The following CNBD1 variants were observed in gnomAD, a reference collection of about 807,000 sequenced individuals.
CNBD1 encodes cyclic nucleotide-binding domain-containing protein 1.
In CNBD1, 71 loss-of-function variants were observed where a neutral mutation model predicts 54.4. That is an observed-to-expected ratio of 1.30 (90% CI 1.08 to 1.59). The LOEUF (loss-of-function observed/expected upper bound fraction) is 1.59. Among genes scored for constraint, CNBD1 ranks in the 40% most tolerant of loss-of-function variants. CNBD1 has a pLI of 0.00. For missense variants in CNBD1, 659 were observed against 518.0 expected (o/e 1.27, Z -2.64); for synonymous variants, 182 against 170.7 (o/e 1.07, Z -0.51).
chr8:87,308,878 A>G (rs1369092299), intron 8 of CNBD1, among the ~76,000 whole-genome samples: 1 of 152,104 alleles, frequency 6.6e-6, no homozygotes. Context: ...CATTTAATAT[A>G]CCGACCTCTA....
intron 10 of CNBD1, among the ~76,000 whole-genome samples, chr8:87,380,755 A>T (rs868712273): frequency 6.6e-6 from 1 of 151,942 alleles, no homozygotes; most frequent in Non-Finnish European, 1.5e-5. Flanking sequence ...TATTCTAAGT[A>T]TTTTATTGTT....
intron 4 of CNBD1, among the ~76,000 whole-genome samples, chr8:87,056,467 T>C (rs1234985719): frequency 6.6e-6 from 1 of 152,192 alleles, no homozygotes; most frequent in Admixed American, 6.5e-5. Context: ...TTCATTAGTT[T>C]ACTAAAGCTG....
At position 87,367,627 on chromosome 8, in the gene CNBD1, C is replaced by G. The variant is rs115935353; in HGVS notation, c.1303+13841C>G. On this transcript the variant is annotated intron_variant, in intron 10 of 10. Coordinates refer to ENST00000518476, the MANE Select transcript of CNBD1 (RefSeq NM_173538.3). ...ATTACCTTGAAGTATTCACTGTGTT[C>G]CACACATTATTCTACATACTTTATA... Among the ~76,000 whole-genome samples the G allele has an allele frequency of 7.2e-3, 1,095 of 152,232 alleles. 12 individuals carry two copies. The highest frequency in any genetic ancestry group is 0.025 in the African/African-American group (1,033 of 41,558).
intron 4 of CNBD1, among the ~76,000 whole-genome samples, chr8:86,947,790 T>C: frequency 6.6e-6 from 1 of 152,130 alleles, no homozygotes; most frequent in Non-Finnish European, 1.5e-5. Context: ...CTTTTAGTTA[T>C]TTTAAAATTA....
At chr8:87,307,737 C>CAAA (rs5893017) in intron 8 of CNBD1, among the ~76,000 whole-genome samples, 33,410 of 134,590 alleles carry the variant, frequency 0.25, 4,720 homozygotes, top group Non-Finnish European at 0.32. Flanking sequence ...AACTCCGTCT[C>CAAA]AAAAAAAAAA....
intron 4 of CNBD1, among the ~76,000 whole-genome samples, chr8:87,053,029 TG>T (rs1364033593): frequency 1.2e-5 from 1 of 84,236 alleles, no homozygotes; most frequent in African/African-American, 4.6e-5. Flanking sequence ...AGATAAGGGG[TG>T]GGGGGTTTGA....
chr8:87,041,068 T>A (rs1810057337), intron 4 of CNBD1, among the ~76,000 whole-genome samples: 1 of 152,068 alleles, frequency 6.6e-6, no homozygotes. Context: ...TTAAAAGTAA[T>A]AGCAAAAACT....
At chr8:87,089,280 CAT>C (rs1811160363) in intron 4 of CNBD1, among the ~76,000 whole-genome samples, 1 of 151,990 alleles carries the variant, frequency 6.6e-6, no homozygotes, top group Non-Finnish European at 1.5e-5. Context: ...CTTGAGAGCT[CAT>C]AGTCATATAA....
intron 6 of CNBD1, among the ~76,000 whole-genome samples, chr8:87,268,083 T>G (rs1808297146): frequency 6.6e-6 from 1 of 152,182 alleles, no homozygotes; most frequent in Non-Finnish European, 1.5e-5. Flanking sequence ...ACACAACAGG[T>G]AGCCTTCCAA....
At chr8:87,263,084 C>T (rs1050059212) in intron 6 of CNBD1, among the ~76,000 whole-genome samples, 2 of 152,006 alleles carry the variant, frequency 1.3e-5, no homozygotes, top group African/African-American at 4.8e-5. Context: ...ATATGTGTTC[C>T]TTGTAAGATG....
At chr8:87,002,601 T>C (rs965614968) in intron 4 of CNBD1, among the ~76,000 whole-genome samples, 43 of 152,138 alleles carry the variant, frequency 2.8e-4, no homozygotes, top group African/African-American at 7.9e-4. Context: ...TTTTTTTTTT[T>C]CAAATATCCC....
intron 1 of CNBD1, among the ~76,000 whole-genome samples, chr8:86,868,670 T>C (rs1378536240): frequency 6.6e-6 from 1 of 152,162 alleles, no homozygotes; most frequent in Non-Finnish European, 1.5e-5. Context: ...ATTGAGTGCT[T>C]TCTGTAGTTA....
intron 4 of CNBD1, among the ~76,000 whole-genome samples, chr8:87,017,177 A>G (rs1017354918): frequency 2.0e-5 from 3 of 152,216 alleles, no homozygotes; most frequent in African/African-American, 7.2e-5. Flanking sequence ...GAGCACAAAA[A>G]CATACAGGTT....
chr8:87,370,189 C>T (rs375967578), intron 10 of CNBD1, among the ~76,000 whole-genome samples: 13 of 151,640 alleles, frequency 8.6e-5, no homozygotes, highest in Non-Finnish European at 1.6e-4. Context: ...AATAAACATA[C>T]GTGTGCATGT....
intron 3 of CNBD1, among the ~76,000 whole-genome samples, chr8:86,920,978 A>G (rs750317250): frequency 3.3e-5 from 5 of 152,138 alleles, no homozygotes; most frequent in Non-Finnish European, 7.4e-5. Context: ...GAGAGCAGAA[A>G]ATGTTCAAAA....
At chr8:87,396,304 C>CT (rs1811408138) in intron 2 of CNBD1, among the ~76,000 whole-genome samples, 1 of 151,900 alleles carries the variant, frequency 6.6e-6, no homozygotes, top group Non-Finnish European at 1.5e-5. Context: ...TAGCAATTAA[C>CT]TTTTTCCCAA....
chr8:87,184,879 A>G (rs1306569114), intron 4 of CNBD1, among the ~76,000 whole-genome samples: 1 of 152,048 alleles, frequency 6.6e-6, no homozygotes, highest in African/African-American at 2.4e-5. Flanking sequence ...ATATTTTCTT[A>G]TAGCTACTAT....
chr8:86,974,419 G>T (rs1808295270), intron 4 of CNBD1, among the ~76,000 whole-genome samples: 1 of 146,172 alleles, frequency 6.8e-6, no homozygotes, highest in Non-Finnish European at 1.5e-5. Flanking sequence ...TATGTATGTA[G>T]TTGCATATGT....
intron 10 of CNBD1, among the ~76,000 whole-genome samples, chr8:87,367,963 A>T (rs1810676709): frequency 6.6e-6 from 1 of 152,000 alleles, no homozygotes; most frequent in Non-Finnish European, 1.5e-5. Context: ...CGAGGTCAGG[A>T]GTTTGATTAC....
Sources: gnomAD v4.1 joint callset for allele counts (sites outside exome capture counted in the v4.1 genomes callset) on GRCh38, gnomAD v4.1.1 for gene constraint, MANE v1.5 for transcripts, NCBI Gene and HGNC (gene_info 2026-07-23, HGNC 2026-07-21) for gene names.